The following GREB1L variants were observed in gnomAD, a reference collection of about 807,000 sequenced individuals.
The protein encoded by GREB1L is GREB1-like protein.
A neutral mutation model predicts 200.8 loss-of-function variants in GREB1L; 17 were observed. The ratio of observed to expected loss-of-function variants is 0.08; its 90% CI spans 0.06 to 0.13. The LOEUF is 0.13. Ranked by LOEUF, GREB1L falls within the 10% of genes least tolerant of loss-of-function variation. The probability of loss-of-function intolerance (pLI) is 1.00; values close to 1 mark genes in which losing one functional copy is unlikely to be tolerated. For missense variants in GREB1L, 1,657 were observed against 2,367.7 expected, an observed-to-expected ratio of 0.70 and a Z score of 6.23; for synonymous variants, 789 against 893.0, an observed-to-expected ratio of 0.88 and a Z score of 2.08.
intron 1 of GREB1L, among the ~76,000 whole-genome samples, chr18:21,248,489 A>G (rs970339734): frequency 6.6e-6 from 1 of 152,258 alleles, no homozygotes; most frequent in African/African-American, 2.4e-5. Context: ...GACAGAAGAA[A>G]CAATCCCATT....
Position 21,524,088 on chromosome 18 carries a change from A to G in GREB1L, c.*1267A>G, listed in dbSNP as rs918745735. 3.9e-5 allele frequency: 6 copies of G among 152,330 alleles called. No homozygotes were observed. The highest frequency in any genetic ancestry group is 1.4e-4 in the African/African-American group (6 of 41,582). The allele number at this position is 152,330 out of a possible 1,614,324, so 9.4% of individuals were successfully genotyped here. Reference sequence around the variant, plus strand: ...TAAATTACTCCAGTTCTCATCATTGAACAATCTCTTGAGAGTTTTCTCATT... The same window carrying G: ...TAAATTACTCCAGTTCTCATCATTGGACAATCTCTTGAGAGTTTTCTCATT... On this transcript the variant is annotated 3_prime_UTR_variant, in exon 33 of 33. Transcript: ENST00000424526.
At chr18:21,379,840 A>T (rs1473673286) in intron 2 of GREB1L, among the ~76,000 whole-genome samples, 1 of 152,132 alleles carries the variant, frequency 6.6e-6, no homozygotes, top group Non-Finnish European at 1.5e-5. Context: ...AAAATTTTTA[A>T]TGTTTGTATT....
chr18:21,488,513 C>T (rs764832828), intron 18 of GREB1L, among the ~76,000 whole-genome samples: 3 of 152,124 alleles, frequency 2.0e-5, no homozygotes, highest in Non-Finnish European at 2.9e-5. Flanking sequence ...CATTAGCCTA[C>T]CCAGCTGCTG....
chr18:21,446,330 C>CAA (rs1172396935), intron 11 of GREB1L, among the ~76,000 whole-genome samples: 2 of 152,042 alleles, frequency 1.3e-5, no homozygotes, highest in Non-Finnish European at 2.9e-5. Context: ...GCCTCCTTTT[C>CAA]AATCTTAATA....
chr18:21,507,110 A>G (rs1315318344), intron 25 of GREB1L, among the ~76,000 whole-genome samples: 1 of 151,960 alleles, frequency 6.6e-6, no homozygotes, highest in Non-Finnish European at 1.5e-5. Context: ...AATACAAGTT[A>G]CCTTTTATAT....
In GREB1L at chr18:21,524,464, C is replaced by T. The variant is rs1307624446; in HGVS notation, c.*1643C>T. The T allele has an allele frequency of 2.0e-5, 3 of 152,086 alleles. No homozygotes were observed. The highest frequency in any genetic ancestry group is 7.2e-5 in the African/African-American group (3 of 41,412). The allele number at this position is 152,086 out of a possible 1,614,324, so 9.4% of individuals were successfully genotyped here. ...TAAAAAATACTCCTTAATTTTAGTACAGCAGAATTTTTGGTAAAGAGGTAT... is the reference window on the plus strand; with the variant it reads ...TAAAAAATACTCCTTAATTTTAGTATAGCAGAATTTTTGGTAAAGAGGTAT... On this transcript the variant is annotated 3_prime_UTR_variant, in exon 33 of 33. Coordinates refer to ENST00000424526, the MANE Select transcript of GREB1L (RefSeq NM_001142966.3).
chr18:21,352,659 C>A (rs1427164087), intron 1 of GREB1L, among the ~76,000 whole-genome samples: 1 of 151,672 alleles, frequency 6.6e-6, no homozygotes, highest in Non-Finnish European at 1.5e-5. Context: ...GACTTGAACT[C>A]CTGAGCTCAA....
chr18:21,357,162 C>T lies in GREB1L; in HGVS notation c.-119-8865C>T, dbSNP rs546685870. Among the ~76,000 whole-genome samples, 7 of 152,294 alleles carry T rather than the reference C, an allele frequency of 4.6e-5. No individual in the cohort carries two copies. The East Asian group carries it at 1.4e-3, about 29-fold the overall frequency. ...GTCTGCCTCCTGGGTTCAAGCAATT[C>T]TTCTGCCTCCGCCTCCTGAGTAGCT... On this transcript the variant is annotated intron_variant, in intron 1 of 32. Transcript: ENST00000424526.
At chr18:21,395,317 A>G in intron 4 of GREB1L, 68 bp from the exon 5 acceptor site, 1 of 1,211,712 alleles carries the variant, frequency 8.3e-7, no homozygotes, top group Non-Finnish European at 1.2e-6. Flanking sequence ...TACTCTCCAA[A>G]TGAGTGATAA....
chr18:21,437,174 C>G (rs549296570), intron 7 of GREB1L, among the ~76,000 whole-genome samples: 1 of 152,288 alleles, frequency 6.6e-6, no homozygotes, highest in African/African-American at 2.4e-5. Context: ...AGTGATCCTA[C>G]TGCCATAACC....
At chr18:21,339,749 A>G (rs1347616253) in intron 1 of GREB1L, among the ~76,000 whole-genome samples, 1 of 152,258 alleles carries the variant, frequency 6.6e-6, no homozygotes, top group Admixed American at 6.5e-5. Context: ...TCTAATGACA[A>G]TTAGGAAACC....
chr18:21,291,702 C>T (rs2038453043), intron 1 of GREB1L, among the ~76,000 whole-genome samples: 1 of 152,086 alleles, frequency 6.6e-6, no homozygotes, highest in South Asian at 2.1e-4. Context: ...AAGGTGGTTC[C>T]CCAAGACTTC....
At chr18:21,517,709 AGAGTTAGGAT>A (rs560347850) in intron 30 of GREB1L, among the ~76,000 whole-genome samples, 41 of 152,276 alleles carry the variant, frequency 2.7e-4, no homozygotes, top group Non-Finnish European at 4.1e-4. Flanking sequence ...GTTGTGGGGT[AGAGTTAGGAT>A]GAGATAGGAT....
chr18:21,450,624 A>T (rs1018538460), intron 12 of GREB1L: 1 of 156,802 alleles, frequency 6.4e-6, no homozygotes, highest in Non-Finnish European at 1.4e-5. Context: ...AAGGTTTTTC[A>T]TACTCTTCCC....
chr18:21,362,722 C>T (rs2039598058), intron 1 of GREB1L, among the ~76,000 whole-genome samples: 2 of 152,112 alleles, frequency 1.3e-5, no homozygotes, highest in African/African-American at 4.8e-5. Flanking sequence ...TTATGTTCTT[C>T]GAAATTTCCC....
intron 1 of GREB1L, among the ~76,000 whole-genome samples, chr18:21,281,430 C>A (rs1371186016): frequency 6.6e-6 from 1 of 152,054 alleles, no homozygotes; most frequent in Non-Finnish European, 1.5e-5. Flanking sequence ...CTTTACTATA[C>A]TTTTAGTTGG....
Position 21,524,194 on chromosome 18 carries a change from AG to A in GREB1L, c.*1377del, listed in dbSNP as rs1365717415. ...TCTTGTTTGTGACCTGAAACTACTG[AG>A]GGGCCTACTAAGCCTGCATTTACTT... On this transcript the variant is annotated 3_prime_UTR_variant, in exon 33 of 33. Transcript: ENST00000424526. 1 of 152,174 alleles carries A rather than the reference AG, an allele frequency of 6.6e-6. No individual in the cohort carries two copies. The highest frequency in any genetic ancestry group is 1.5e-5 in the Non-Finnish European group (1 of 68,034). The allele number at this position is 152,174 out of a possible 1,614,324, so 9.4% of individuals were successfully genotyped here.
At chr18:21,266,992 G>A (rs371860369) in intron 1 of GREB1L, among the ~76,000 whole-genome samples, 2 of 152,204 alleles carry the variant, frequency 1.3e-5, no homozygotes, top group African/African-American at 4.8e-5. Flanking sequence ...GGAGTGCAAT[G>A]GCATGGTCTT....
At chr18:21,352,037 A>G (rs1358821929) in intron 1 of GREB1L, among the ~76,000 whole-genome samples, 1 of 151,848 alleles carries the variant, frequency 6.6e-6, no homozygotes, top group East Asian at 1.9e-4. Flanking sequence ...TAGTAGAGAC[A>G]GGGTTTCACC....
Sources: allele counts gnomAD v4.1 joint callset (sites outside exome capture counted in the v4.1 genomes callset), GRCh38; gene constraint gnomAD v4.1.1; transcripts MANE v1.5; gene names NCBI Gene and HGNC (gene_info 2026-07-23, HGNC 2026-07-21).